PDE4B: variants seen among roughly 807,000 people sequenced by gnomAD.
PDE4B encodes the protein 3',5'-cyclic-AMP phosphodiesterase 4B.
PDE4B carries 20 observed loss-of-function variants against 82.2 expected under a neutral mutation model. The ratio of observed to expected loss-of-function variants is 0.24; its 90% CI spans 0.17 to 0.35. PDE4B has a LOEUF of 0.35. Ranked by LOEUF, PDE4B falls within the 10% of genes least tolerant of loss-of-function variation. PDE4B has a pLI of 1.00. For synonymous variants in PDE4B, 320 were observed against 318.9 expected (o/e 1.00, Z -0.04); for missense variants, 655 against 907.2 (o/e 0.72, Z 3.57).
chr1:66,110,337 G>A (rs1361809806), intron 3 of PDE4B, among the ~76,000 whole-genome samples: 2 of 151,956 alleles, frequency 1.3e-5, no homozygotes, highest in South Asian at 2.1e-4. Flanking sequence ...CTCTAATTTA[G>A]GCAGCTTTCA....
intron 3 of PDE4B, among the ~76,000 whole-genome samples, chr1:66,229,079 C>T (rs982302946): frequency 1.3e-5 from 2 of 152,098 alleles, no homozygotes; most frequent in Non-Finnish European, 2.9e-5. Context: ...TCGATATTGG[C>T]TCACTGCTAG....
intron 3 of PDE4B, among the ~76,000 whole-genome samples, chr1:66,159,296 G>A (rs984448075): frequency 6.6e-6 from 1 of 150,920 alleles, no homozygotes; most frequent in Non-Finnish European, 1.5e-5. Flanking sequence ...AGGCTGGAGT[G>A]TAGTGGCGCA....
intron 3 of PDE4B, among the ~76,000 whole-genome samples, chr1:66,156,769 A>G (rs1391367067): frequency 6.6e-6 from 1 of 152,164 alleles, no homozygotes; most frequent in Non-Finnish European, 1.5e-5. Context: ...AGGAATGCCC[A>G]TCGTGTCTAT....
intron 3 of PDE4B, among the ~76,000 whole-genome samples, chr1:66,204,644 A>G (rs1649386198): frequency 6.6e-6 from 1 of 152,204 alleles, no homozygotes; most frequent in Admixed American, 6.5e-5. Context: ...GGATCCTCTG[A>G]GCCATGTGCA....
intron 3 of PDE4B, among the ~76,000 whole-genome samples, chr1:65,991,825 A>G (rs1167658066): frequency 6.6e-6 from 1 of 152,186 alleles, no homozygotes; most frequent in Non-Finnish European, 1.5e-5. Context: ...TTGTACACCT[A>G]TCTGCACACA....
chr1:66,048,789 G>A (rs1202500526), intron 3 of PDE4B: 1 of 151,774 alleles, frequency 6.6e-6, no homozygotes, highest in Admixed American at 6.6e-5. Flanking sequence ...TTTTTGTTTG[G>A]GAGGCTACTT....
intron 3 of PDE4B, among the ~76,000 whole-genome samples, chr1:66,016,689 A>G (rs1652799092): frequency 6.6e-6 from 1 of 152,222 alleles, no homozygotes; most frequent in African/African-American, 2.4e-5. Flanking sequence ...TAAGAAATGC[A>G]AAATATCATA....
chr1:66,342,669 C>T (rs1002955725), intron 8 of PDE4B, among the ~76,000 whole-genome samples: 7 of 149,750 alleles, frequency 4.7e-5, no homozygotes, highest in East Asian at 3.9e-4. Flanking sequence ...AGGTAGAGGG[C>T]AGTGAGCTAA....
At chr1:66,372,280 C>T (rs754053502) in intron 16 of PDE4B, 33 bp from the exon 17 acceptor site, 2 of 1,566,360 alleles carry the variant, frequency 1.3e-6, no homozygotes, top group Non-Finnish European at 1.7e-6. Flanking sequence ...AGCACCATCA[C>T]AATAACAGAT....
At chr1:66,031,826 T>C (rs1489229131) in intron 3 of PDE4B, among the ~76,000 whole-genome samples, 2 of 152,206 alleles carry the variant, frequency 1.3e-5, no homozygotes, top group Non-Finnish European at 2.9e-5. Flanking sequence ...TAAATTATGA[T>C]CTGGACTCAA....
intron 3 of PDE4B, among the ~76,000 whole-genome samples, chr1:66,116,544 C>G (rs544466265): frequency 6.6e-6 from 1 of 152,100 alleles, no homozygotes; most frequent in Non-Finnish European, 1.5e-5. Flanking sequence ...TGTCAACATC[C>G]GGAGGTCAGT....
chr1:66,097,749 A>G (rs1235024359), intron 3 of PDE4B, among the ~76,000 whole-genome samples: 1 of 151,066 alleles, frequency 6.6e-6, no homozygotes, highest in Non-Finnish European at 1.5e-5. Flanking sequence ...ATTCTATTAT[A>G]TCTGTTATTT....
chr1:66,095,457 A>G (rs1023981227), intron 3 of PDE4B, among the ~76,000 whole-genome samples: 1 of 151,940 alleles, frequency 6.6e-6, no homozygotes, highest in African/African-American at 2.4e-5. Flanking sequence ...CATAGCTAAT[A>G]GTGGAATACC....
At position 66,373,934 on chromosome 1, in the gene PDE4B, C is replaced by T. The variant is rs762494481; in HGVS notation, c.*1256C>T. 7 of 152,568 alleles carry T rather than the reference C, an allele frequency of 4.6e-5. No homozygotes were observed. Among genetic ancestry groups the T allele is most frequent in the Non-Finnish European group, 8.8e-5 (6 of 68,024 alleles). 9.5% of individuals were successfully genotyped at this position (152,568 alleles called of 1,614,324 possible). On this transcript the variant is annotated 3_prime_UTR_variant, in exon 17 of 17. Coordinates refer to ENST00000341517, the MANE Select transcript of PDE4B (RefSeq NM_002600.4). ...CCCCTTTATGAACCAGTTTTGGAAA[C>T]AATATTCTCACATTAGATACTAAAT...
At chr1:66,347,332 G>A (rs375867468) in intron 8 of PDE4B, among the ~76,000 whole-genome samples, 1 of 152,244 alleles carries the variant, frequency 6.6e-6, no homozygotes, top group Middle Eastern at 3.4e-3. Context: ...AGAAATAGCT[G>A]TCTATGAAAT....
At chr1:65,871,189 A>AT (rs1213493796) in intron 1 of PDE4B, among the ~76,000 whole-genome samples, 1 of 152,198 alleles carries the variant, frequency 6.6e-6, no homozygotes, top group Middle Eastern at 3.2e-3. Context: ...TGATGATTTA[A>AT]TTTGATCTAT....
At chr1:65,951,903 G>A (rs781023619) in intron 3 of PDE4B, among the ~76,000 whole-genome samples, 3 of 151,984 alleles carry the variant, frequency 2.0e-5, no homozygotes, top group Non-Finnish European at 4.4e-5. Context: ...AACAAATCCC[G>A]ATACTCTAAG....
intron 7 of PDE4B, among the ~76,000 whole-genome samples, chr1:66,296,783 T>C (rs546784): frequency 0.42 from 63,701 of 152,056 alleles, 15,706 homozygotes; most frequent in Non-Finnish European, 0.56. Context: ...TAGCAGCTCT[T>C]ATTCATGTGA....
At chr1:66,371,094 CTA>C (rs557320202) in intron 16 of PDE4B, among the ~76,000 whole-genome samples, 3,850 of 74,522 alleles carry the variant, frequency 0.052, 60 homozygotes, top group Non-Finnish European at 0.062. Flanking sequence ...ACACATCATA[CTA>C]TATATATATA....
Sources: gnomAD v4.1 joint callset for allele counts (sites outside exome capture counted in the v4.1 genomes callset) on GRCh38, gnomAD v4.1.1 for gene constraint, MANE v1.5 for transcripts, NCBI Gene and HGNC (gene_info 2026-07-23, HGNC 2026-07-21) for gene names.